Variants in LZTS1 observed in about 807,000 individuals in gnomAD.
LZTS1 encodes the protein leucine zipper putative tumor suppressor 1.
Under a neutral mutation model 45.8 loss-of-function variants are expected in LZTS1, and 31 were observed. The observed-to-expected ratio is 0.68, with a 90% CI of 0.51 to 0.91. The LOEUF (loss-of-function observed/expected upper bound fraction) is 0.91. LZTS1 is among the 40% of genes least tolerant of loss of function. The probability of loss-of-function intolerance (pLI) is 0.00; values close to 1 mark genes in which losing one functional copy is unlikely to be tolerated. For missense variants in LZTS1, 821 were observed against 788.9 expected, an observed-to-expected ratio of 1.04 and a Z score of -0.49; for synonymous variants, 359 against 357.3, an observed-to-expected ratio of 1.00 and a Z score of -0.05.
At chr8:20,284,594 G>A (rs562162380) in intron 1 of LZTS1, among the ~76,000 whole-genome samples, 33 of 152,072 alleles carry the variant, frequency 2.2e-4, no homozygotes, top group Admixed American at 1.8e-3. Context: ...TCACTTTTAC[G>A]TGTACATTGT....
At position 20,255,315 on chromosome 8, in the gene LZTS1, C is replaced by G. The variant is rs769698394; in HGVS notation, c.-134G>C. 1 of 1,440,642 alleles carries G rather than the reference C, an allele frequency of 6.9e-7. No individual in the cohort carries two copies. The highest frequency in any genetic ancestry group is 9.1e-7 in the Non-Finnish European group (1 of 1,103,008). 89.2% of individuals were successfully genotyped at this position (1,440,642 alleles called of 1,614,324 possible). On this transcript the variant is annotated splice_region_variant and 5_prime_UTR_variant, in exon 2 of 4. Transcript: ENST00000381569. ...TCACAGAGCCTGCGAGAGCCGTAGA[C>G]CTGGAAGAAGACACAAGACAGAAGT...
intron 1 of LZTS1, among the ~76,000 whole-genome samples, chr8:20,280,512 C>T (rs971806773): frequency 1.3e-5 from 2 of 152,140 alleles, no homozygotes; most frequent in South Asian, 2.1e-4. Context: ...TGCACGGAGG[C>T]GCGTGCACAT....
chr8:20,250,407 C>T (rs1259346039), intron 3 of LZTS1, 44 bp from the exon 4 acceptor site: 2 of 1,522,066 alleles, frequency 1.3e-6, no homozygotes, highest in Admixed American at 2.0e-5. Flanking sequence ...AGGTGAGTGT[C>T]CTTACCCAGG....
chr8:20,255,652 A>G (rs1426116712), intron 1 of LZTS1, among the ~76,000 whole-genome samples: 1 of 151,724 alleles, frequency 6.6e-6, no homozygotes, highest in Non-Finnish European at 1.5e-5. Flanking sequence ...TGCTGCGGGT[A>G]CCAGTGCTGC....
intron 1 of LZTS1, among the ~76,000 whole-genome samples, chr8:20,282,236 G>A (rs571357280): frequency 6.6e-6 from 1 of 152,210 alleles, no homozygotes; most frequent in South Asian, 2.1e-4. Flanking sequence ...GAGACTTCAA[G>A]TTTCAGAGAG....
Position 20,249,303 on chromosome 8 carries a change from C to A in LZTS1, c.*419G>T, listed in dbSNP as rs1247262482. 2 of 168,174 alleles carry A rather than the reference C, an allele frequency of 1.2e-5. No homozygotes were observed. Among genetic ancestry groups the A allele is most frequent in the Non-Finnish European group, 2.6e-5 (2 of 77,618 alleles). The allele number at this position is 168,174 out of a possible 1,614,324, so 10.4% of individuals were successfully genotyped here. On this transcript the variant is annotated 3_prime_UTR_variant, in exon 4 of 4. Coordinates refer to ENST00000381569, the MANE Select transcript of LZTS1 (RefSeq NM_021020.5). ...CAAGGCTTCTGGTCATATATGGCTT[C>A]TTTCTATTTCCAAGGCATTCCAATG... is the stretch of plus-strand genomic sequence containing the variant.
intron 1 of LZTS1, among the ~76,000 whole-genome samples, chr8:20,268,113 G>A (rs900240000): frequency 4.0e-5 from 6 of 151,882 alleles, no homozygotes; most frequent in African/African-American, 1.2e-4. Context: ...TTAGATCCTC[G>A]CATTTCTTGA....
At chr8:20,259,762 T>C (rs1455204818) in intron 1 of LZTS1, among the ~76,000 whole-genome samples, 1 of 152,188 alleles carries the variant, frequency 6.6e-6, no homozygotes, top group Non-Finnish European at 1.5e-5. Flanking sequence ...AGTTCTCAAC[T>C]TGAGTCTCAT....
rs572621591 is a variant in LZTS1 at position 20,273,035 on chromosome 8, C to A, written c.-134-17720G>T. The stretch of plus-strand genomic sequence containing the variant: ...TTGCTGCTCGATCATTTCTCATTGG[C>A]TCTTCAATCCACAGAGGCCCTGGTT... On this transcript the variant is annotated intron_variant, in intron 1 of 3. Transcript: ENST00000381569. 1.2e-4 allele frequency among the ~76,000 whole-genome samples: 19 copies of A among 152,284 alleles called. No homozygotes were observed. In the East Asian group the frequency reaches 3.7e-3, roughly 29 times the overall value.
At chr8:20,264,878 G>C (rs1800315338) in intron 1 of LZTS1, among the ~76,000 whole-genome samples, 1 of 152,242 alleles carries the variant, frequency 6.6e-6, no homozygotes, top group African/African-American at 2.4e-5. Flanking sequence ...TCCAGCTGAG[G>C]GGAAGAGGGA....
At chr8:20,292,508 C>A (rs1270082213) in intron 1 of LZTS1, among the ~76,000 whole-genome samples, 1 of 152,266 alleles carries the variant, frequency 6.6e-6, no homozygotes, top group Non-Finnish European at 1.5e-5. Flanking sequence ...GTCACAGAAC[C>A]CTTAGGACAG....
At chr8:20,288,494 A>G (rs1800837690) in intron 1 of LZTS1, among the ~76,000 whole-genome samples, 1 of 152,150 alleles carries the variant, frequency 6.6e-6, no homozygotes, top group South Asian at 2.1e-4. Flanking sequence ...ACGATGTACG[A>G]CACACACATG....
At position 20,253,317 on chromosome 8, in the gene LZTS1, C is replaced by T. The variant is rs200343127; in HGVS notation, c.614G>A (p.Arg205His). The T allele has an allele frequency of 9.3e-6, 15 of 1,613,860 alleles. No individual in the cohort carries two copies. The highest frequency in any genetic ancestry group is 8.9e-5 in the East Asian group (4 of 44,892). Residue 205 changes from arginine (R) to histidine (H), a missense_variant, in exon 3 of 4, where the codon CGT becomes CAT. Coordinates refer to ENST00000381569, the MANE Select transcript of LZTS1 (RefSeq NM_021020.5). ...GATGTTGTGGGCGGAGCCCCCAAAA[C>T]GGCTTGTGGGTCCCACGGGTGTGAC... ...PLVTPVGPTS[R>H]FGGSAHNITQ... is the part of the protein sequence containing the mutation.
chr8:20,263,200 C>A (rs775567727), intron 1 of LZTS1, among the ~76,000 whole-genome samples: 1 of 152,168 alleles, frequency 6.6e-6, no homozygotes, highest in Non-Finnish European at 1.5e-5. Flanking sequence ...CACTGCCTAC[C>A]CCACGACCGC....
At chr8:20,274,544 G>A (rs1318165048) in intron 1 of LZTS1, among the ~76,000 whole-genome samples, 1 of 152,186 alleles carries the variant, frequency 6.6e-6, no homozygotes, top group Non-Finnish European at 1.5e-5. Context: ...CTGTGGGCGT[G>A]TTGGAGTCTG....
At chr8:20,294,740 T>A (rs1375881050) in intron 1 of LZTS1, among the ~76,000 whole-genome samples, 1 of 151,824 alleles carries the variant, frequency 6.6e-6, no homozygotes, top group Non-Finnish European at 1.5e-5. Context: ...AAGGTTGCAA[T>A]AAATAAGGGA....
chr8:20,266,601 C>CA (rs5889904), intron 1 of LZTS1, among the ~76,000 whole-genome samples: 35,802 of 146,652 alleles, frequency 0.24, 5,050 homozygotes, highest in East Asian at 0.51. Flanking sequence ...TGGACCAAGA[C>CA]AAAAAAAAAA....
intron 1 of LZTS1, among the ~76,000 whole-genome samples, chr8:20,270,171 C>T (rs1420012256): frequency 1.3e-5 from 2 of 152,264 alleles, no homozygotes; most frequent in Admixed American, 1.3e-4. Flanking sequence ...GCCCACAGAG[C>T]GTAGGTGGCA....
intron 3 of LZTS1, among the ~76,000 whole-genome samples, chr8:20,251,429 A>C (rs933327527): frequency 6.6e-6 from 1 of 152,010 alleles, no homozygotes; most frequent in Admixed American, 6.6e-5. Context: ...GGAAATTTCT[A>C]CTGTGAAAGG....
Sources: allele counts gnomAD v4.1 joint callset (sites outside exome capture counted in the v4.1 genomes callset), GRCh38; gene constraint gnomAD v4.1.1; transcripts MANE v1.5; gene names NCBI Gene and HGNC (gene_info 2026-07-23, HGNC 2026-07-21).